The following ZNF562 variants were observed in gnomAD, a reference collection of about 807,000 sequenced individuals.
ZNF562 encodes zinc finger protein 562.
Under a neutral mutation model 17.5 loss-of-function variants are expected in ZNF562, and 13 were observed. That is an observed-to-expected ratio of 0.74 (90% CI 0.48 to 1.18). ZNF562 has a LOEUF of 1.18. ZNF562 is among the 50% of genes most tolerant of loss of function. ZNF562 has a pLI of 0.00. For synonymous variants in ZNF562, 163 were observed against 165.4 expected, an observed-to-expected ratio of 0.99 and a Z score of 0.11; for missense variants, 481 against 498.5, an observed-to-expected ratio of 0.96 and a Z score of 0.33.
At chr19:9,667,201 G>A (rs561765701) in intron 1 of ZNF562, among the ~76,000 whole-genome samples, 7 of 152,216 alleles carry the variant, frequency 4.6e-5, no homozygotes, top group Non-Finnish European at 7.4e-5. Flanking sequence ...AGAAATACAA[G>A]GATGGTTCAA....
At position 9,648,143 on chromosome 19, in the gene ZNF562, T is replaced by C. The variant is rs2074821924; in HGVS notation, c.*4806A>G. On this transcript the variant is annotated 3_prime_UTR_variant, in exon 6 of 6. Transcript: ENST00000453372. The stretch of plus-strand genomic sequence containing the variant: ...ATACAAATATCATTAAGGGACAATT[T>C]TTTAAAAATCACAATGTTATTCAAA... 6.6e-6 allele frequency: 1 copy of C among 152,146 alleles called. No individual in the cohort carries two copies. Among genetic ancestry groups the C allele is most frequent in the African/African-American group, 2.4e-5 (1 of 41,430 alleles). The allele number at this position is 152,146 out of a possible 1,614,324, so 9.4% of individuals were successfully genotyped here. A position where few individuals can be genotyped will look rare whatever the true frequency, so the allele number is the denominator to read the frequency against.
Position 9,650,982 on chromosome 19 carries a change from A to AAAAAAAAAAAAAAAAAAC in ZNF562, c.*1966_*1967insGTTTTTTTTTTTTTTTTT. 6.8e-6 allele frequency: 1 copy of AAAAAAAAAAAAAAAAAAC among 146,146 alleles called. No individual in the cohort carries two copies. Among genetic ancestry groups the AAAAAAAAAAAAAAAAAAC allele is most frequent in the Non-Finnish European group, 1.5e-5 (1 of 66,894 alleles). 9.1% of individuals were successfully genotyped at this position (146,146 alleles called of 1,614,324 possible). ...AAAAAAAAAAAAAAAAAAAAAAAAA[A>AAAAAAAAAAAAAAAAAAC]TCCTGTGTTTTTAACCTCATTGATT... On this transcript the variant is annotated 3_prime_UTR_variant, in exon 6 of 6. Transcript: ENST00000453372.
chr19:9,642,542 G>A lies in ZNF562; in HGVS notation c.*10407C>T, dbSNP rs1007176388. On this transcript the variant is annotated 3_prime_UTR_variant, in exon 6 of 6. Coordinates refer to ENST00000453372, the MANE Select transcript of ZNF562 (RefSeq NM_001130031.2). ...TCATCCTTCCTTGGCCTCCCACATT[G>A]TTGGCATTACAACTGTGAGCCACTC... 4.6e-5 allele frequency: 7 copies of A among 152,012 alleles called. No individual in the cohort carries two copies. The highest frequency in any genetic ancestry group is 1.7e-4 in the African/African-American group (7 of 41,474). 9.4% of individuals were successfully genotyped at this position (152,012 alleles called of 1,614,324 possible). A position where few individuals can be genotyped will look rare whatever the true frequency, so the allele number is the denominator to read the frequency against.
At position 9,642,637 on chromosome 19, in the gene ZNF562, A is replaced by G. The variant is rs1357542176; in HGVS notation, c.*10312T>C. The G allele has an allele frequency of 6.6e-6, 1 of 152,072 alleles. No individual in the cohort carries two copies. Among genetic ancestry groups the G allele is most frequent in the African/African-American group, 2.4e-5 (1 of 41,392 alleles). The allele number at this position is 152,072 out of a possible 1,614,324, so 9.4% of individuals were successfully genotyped here. On this transcript the variant is annotated 3_prime_UTR_variant, in exon 6 of 6. Coordinates refer to ENST00000453372, the MANE Select transcript of ZNF562 (RefSeq NM_001130031.2). ...CAACAAAGATAGAGGGAAAACCCAA[A>G]ATGGAATACGAACAGGAACAATCAA...
chr19:9,642,314 ACT>A lies in ZNF562; in HGVS notation c.*10633_*10634del, dbSNP rs1032148767. The A allele has an allele frequency of 2.7e-5, 4 of 149,012 alleles. No individual in the cohort carries two copies. Among genetic ancestry groups the A allele is most frequent in the African/African-American group, 9.9e-5 (4 of 40,340 alleles). The allele number at this position is 149,012 out of a possible 1,614,324, so 9.2% of individuals were successfully genotyped here. On this transcript the variant is annotated 3_prime_UTR_variant, in exon 6 of 6. Transcript: ENST00000453372. ...AAAAAAAAAAAAAAAACAGGGTTTC[ACT>A]CTGTCACACAGGCTGAAGTATAGTG...
In ZNF562 at chr19:9,645,827, G is replaced by C. The variant is rs866940359; in HGVS notation, c.*7122C>G. The C allele has an allele frequency of 4.9e-4, 75 of 152,078 alleles. No individual in the cohort carries two copies. The highest frequency in any genetic ancestry group is 1.8e-3 in the African/African-American group (74 of 41,396). 9.4% of individuals were successfully genotyped at this position (152,078 alleles called of 1,614,324 possible). A position where few individuals can be genotyped will look rare whatever the true frequency, so the allele number is the denominator to read the frequency against. The stretch of plus-strand genomic sequence containing the variant: ...CTTAGTTAGAAAGAAAAGGTATTAA[G>C]GAAGACTTATATTTAAAATTGTTAT... On this transcript the variant is annotated 3_prime_UTR_variant, in exon 6 of 6. Transcript: ENST00000453372.
At chr19:9,673,716 G>A (rs1003622478) in intron 1 of ZNF562, among the ~76,000 whole-genome samples, 2 of 152,038 alleles carry the variant, frequency 1.3e-5, no homozygotes, top group Admixed American at 6.6e-5. Flanking sequence ...ATACAAAAAC[G>A]GGCACACCCT....
At chr19:9,671,796 C>T (rs150816644) in intron 1 of ZNF562, among the ~76,000 whole-genome samples, 45 of 152,320 alleles carry the variant, frequency 3.0e-4, no homozygotes, top group African/African-American at 1.0e-3. Context: ...TCAATCCATG[C>T]CCTCTTGTGC....
At chr19:9,659,577 A>T in intron 2 of ZNF562, 110 bp from the exon 3 acceptor site, 1 of 1,309,354 alleles carries the variant, frequency 7.6e-7, no homozygotes, top group Non-Finnish European at 1.0e-6. Context: ...CACTCGAAAA[A>T]ACTACACACA....
At chr19:9,669,210 T>C (rs1348117208) in intron 1 of ZNF562, among the ~76,000 whole-genome samples, 1 of 151,944 alleles carries the variant, frequency 6.6e-6, no homozygotes, top group Admixed American at 6.6e-5. Context: ...TTACAAACTA[T>C]CCACCTGGGA....
At chr19:9,653,992 ATT>A (rs57141679) in intron 5 of ZNF562, 111 bp from the exon 6 acceptor site, 3,848 of 992,688 alleles carry the variant, frequency 3.9e-3, no homozygotes, top group South Asian at 6.3e-3. Flanking sequence ...TTAATGTTTA[ATT>A]TTTTTTTTTT....
rs772176685 is a variant in ZNF562 at position 9,652,974 on chromosome 19, A to G, written c.1256T>C (p.Leu419Ser). Residue 419 changes from leucine (L) to serine (S), a missense_variant, in exon 6 of 6, where the codon TTG (leucine) becomes TCG (serine). Physicochemically the swap from Leu to Ser is moderately radical, Grantham distance 145. Coordinates refer to ENST00000453372, the MANE Select transcript of ZNF562 (RefSeq NM_001130031.2). ...FITSSHRSKHLKTHSGER is the reference protein window; with the variant it reads ...FITSSHRSKHSKTHSGER ...TTACCTTTCTCCACTGTGAGTTTTC[A>G]AATGTTTACTACGATGGGAAGAAGT... 1.3e-6 allele frequency: 2 copies of G among 1,503,858 alleles called. No individual in the cohort carries two copies. Among genetic ancestry groups the G allele is most frequent in the Non-Finnish European group, 1.8e-6 (2 of 1,127,016 alleles). 93.2% of individuals were successfully genotyped at this position (1,503,858 alleles called of 1,614,324 possible).
chr19:9,656,717 AAC>A, intron 4 of ZNF562, 64 bp from the exon 5 acceptor site: 1 of 1,535,940 alleles, frequency 6.5e-7, no homozygotes, highest in East Asian at 2.3e-5. Flanking sequence ...TTTCAAATTA[AAC>A]ACAGTATGAA....
rs1282200590 is a variant in ZNF562, at chr19:9,644,401, G to C, written c.*8548C>G. The C allele has an allele frequency of 6.6e-6, 1 of 152,052 alleles. No homozygotes were observed. Among genetic ancestry groups the C allele is most frequent in the Non-Finnish European group, 1.5e-5 (1 of 68,016 alleles). The allele number at this position is 152,052 out of a possible 1,614,324, so 9.4% of individuals were successfully genotyped here. A position where few individuals can be genotyped will look rare whatever the true frequency, so the allele number is the denominator to read the frequency against. On this transcript the variant is annotated 3_prime_UTR_variant, in exon 6 of 6. Coordinates refer to ENST00000453372, the MANE Select transcript of ZNF562 (RefSeq NM_001130031.2). ...AGCTCAGGAGTTTGAGGACAGCCTG[G>C]GCAATGGAGTGAGATACCTTCTCTA...
rs2074810127 is a variant in ZNF562, at chr19:9,646,813, C to A, written c.*6136G>T. 1 of 150,828 alleles carries A rather than the reference C, an allele frequency of 6.6e-6. No individual in the cohort carries two copies. The highest frequency in any genetic ancestry group is 2.4e-5 in the African/African-American group (1 of 40,942). 9.3% of individuals were successfully genotyped at this position (150,828 alleles called of 1,614,324 possible). On this transcript the variant is annotated 3_prime_UTR_variant, in exon 6 of 6. Transcript: ENST00000453372. Reference sequence around the variant, plus strand: ...TGAGATGGAGTTTTGCTCTTGTCACCCAGGCTGGAGTGCAGTGGCAAGAAC... The same window carrying A: ...TGAGATGGAGTTTTGCTCTTGTCACACAGGCTGGAGTGCAGTGGCAAGAAC...
chr19:9,669,554 G>T (rs755289010), intron 1 of ZNF562, among the ~76,000 whole-genome samples: 1 of 152,036 alleles, frequency 6.6e-6, no homozygotes, highest in Non-Finnish European at 1.5e-5. Context: ...TTCAGGTGTG[G>T]TGGCTCAGGC....
At chr19:9,668,983 A>T (rs1489011928) in intron 1 of ZNF562, among the ~76,000 whole-genome samples, 1 of 152,194 alleles carries the variant, frequency 6.6e-6, no homozygotes, top group Non-Finnish European at 1.5e-5. Flanking sequence ...TTAAAGACTT[A>T]CATCTAACAC....
At position 9,656,568 on chromosome 19, in the gene ZNF562, T is replaced by C. The variant is rs750444313; in HGVS notation, c.327A>G (p.Gln109=). 9.3e-6 allele frequency: 15 copies of C among 1,613,726 alleles called. No individual in the cohort carries two copies. The highest frequency in any genetic ancestry group is 1.2e-5 in the Non-Finnish European group (14 of 1,179,948). The change falls in exon 5 of 6, where the codon CAA becomes CAG. Residue 109 remains glutamine, a synonymous_variant. Coordinates refer to ENST00000453372, the MANE Select transcript of ZNF562 (RefSeq NM_001130031.2). ...SSLQQGFLKN[Q]IFTGIQMQTR... is the part of the protein sequence containing the mutation. The stretch of plus-strand genomic sequence containing the variant: ...TTACCATTTGTATCCCAGTGAATAT[T>C]TGATTCTTCAAAAAACCCTGCTGAA...
chr19:9,668,256 TCC>T (rs940141292), intron 1 of ZNF562, among the ~76,000 whole-genome samples: 1 of 151,878 alleles, frequency 6.6e-6, no homozygotes, highest in Non-Finnish European at 1.5e-5. Flanking sequence ...ACACCTGTAG[TCC>T]CAGCTACTCA....
Sources: allele counts gnomAD v4.1 joint callset (sites outside exome capture counted in the v4.1 genomes callset), GRCh38; gene constraint gnomAD v4.1.1; transcripts MANE v1.5; gene names NCBI Gene and HGNC (gene_info 2026-07-23, HGNC 2026-07-21).